TEX9: variants seen among roughly 807,000 people sequenced by gnomAD.
TEX9 encodes testis expressed 9.
TEX9 carries 74 observed loss-of-function variants against 59.6 expected under a neutral mutation model. The observed-to-expected ratio is 1.24, with a 90% CI of 1.03 to 1.51. TEX9 has a LOEUF of 1.51. TEX9 is among the 40% of genes most tolerant of loss of function. TEX9 has a pLI of 0.00. For synonymous variants in TEX9, 186 were observed against 152.2 expected (o/e 1.22, Z -1.64); for missense variants, 522 against 447.8 (o/e 1.17, Z -1.49).
rs71456382 is a variant in TEX9, at chr15:56,339,383, CAAAAAAAAAAAAA to C, written c.-106-34039_-106-34027del. ...GGGTGTCAGAGCAAGACTCCTTCTC[CAAAAAAAAAAAAA>C]AAAAAAAAAAAAAAAAAACAGGAGA... On this transcript the variant is annotated intron_variant, in intron 1 of 5. Coordinates refer to the TEX9 transcript ENST00000560827. Among the ~76,000 whole-genome samples the C allele has an allele frequency of 5.2e-3, 159 of 30,770 alleles. 4 individuals carry two copies. Among genetic ancestry groups the C allele is most frequent in the African/African-American group, 6.1e-3 (51 of 8,326 alleles). The allele number at this position is 30,770 out of a possible 152,430, so 20.2% of individuals were successfully genotyped here.
At chr15:56,371,555 A>G (rs1267577424) in intron 2 of TEX9, among the ~76,000 whole-genome samples, 1 of 151,730 alleles carries the variant, frequency 6.6e-6, no homozygotes, top group African/African-American at 2.4e-5. Context: ...CTTTCCTCAC[A>G]TCTGCTGATT....
At chr15:56,310,069 T>A (rs1305683961) in intron 1 of TEX9, among the ~76,000 whole-genome samples, 6 of 152,152 alleles carry the variant, frequency 3.9e-5, no homozygotes, top group Non-Finnish European at 8.8e-5. Flanking sequence ...AGCCTTGAGT[T>A]TTCTTAGGCA....
intron 12 of TEX9, chr15:56,429,154 C>G: frequency 1.2e-6 from 2 of 1,602,968 alleles, no homozygotes; most frequent in Non-Finnish European, 1.7e-6. Flanking sequence ...CTGAACTCTT[C>G]ACCAAGCAGA....
chr15:56,359,720 C>G (rs139132095), intron 1 of TEX9, among the ~76,000 whole-genome samples: 9 of 152,166 alleles, frequency 5.9e-5, no homozygotes, highest in African/African-American at 2.2e-4. Context: ...TTTCTTCCTT[C>G]CTTATCTGTA....
At chr15:56,256,430 T>C (rs1383650570) in intron 1 of TEX9, among the ~76,000 whole-genome samples, 1 of 151,950 alleles carries the variant, frequency 6.6e-6, no homozygotes, top group Non-Finnish European at 1.5e-5. Context: ...CAGCCAGGTA[T>C]GCGTGTTTTA....
intron 10 of TEX9, among the ~76,000 whole-genome samples, chr15:56,420,287 A>G (rs1003627675): frequency 6.8e-5 from 10 of 147,314 alleles, no homozygotes; most frequent in African/African-American, 1.0e-4. Context: ...TTTGGGTTCA[A>G]TTTGTTCTTT....
At chr15:56,333,662 A>T (rs1362588092) in intron 1 of TEX9, among the ~76,000 whole-genome samples, 2 of 152,150 alleles carry the variant, frequency 1.3e-5, no homozygotes, top group African/African-American at 4.8e-5. Context: ...ATAGTACTTG[A>T]AGTCCTAGCT....
At chr15:56,285,179 G>C (rs1380224259) in intron 1 of TEX9, among the ~76,000 whole-genome samples, 1 of 151,890 alleles carries the variant, frequency 6.6e-6, no homozygotes, top group Non-Finnish European at 1.5e-5. Flanking sequence ...CGTTAGTGTG[G>C]GAGTGCTAGT....
chr15:56,331,337 G>A (rs576820673), intron 1 of TEX9, among the ~76,000 whole-genome samples: 2 of 152,086 alleles, frequency 1.3e-5, no homozygotes, highest in East Asian at 3.8e-4. Flanking sequence ...TTCATCCAAG[G>A]GCTGCAGAAT....
intron 10 of TEX9, among the ~76,000 whole-genome samples, chr15:56,426,626 T>TATATATACACACACAC (rs1214988827): frequency 6.4e-5 from 3 of 47,174 alleles, no homozygotes; most frequent in African/African-American, 1.6e-4. Context: ...TATATATATA[T>TATATATACACACACAC]ACACACACAC....
chr15:56,429,372 T>C (rs150469977), intron 12 of TEX9: 8,527 of 528,168 alleles, frequency 0.016, 104 homozygotes, highest in Non-Finnish European at 0.02. Context: ...TACATATATA[T>C]TGAATATTCC....
chr15:56,339,383 C>CAAAAAAAAAAAAAAAAAAAAAAAAAA (rs71456382), intron 1 of TEX9, among the ~76,000 whole-genome samples: 3 of 30,768 alleles, frequency 9.8e-5, no homozygotes, highest in African/African-American at 2.4e-4. Flanking sequence ...ACTCCTTCTC[C>CAAAAAAAAAAAAAAAAAAAAAAAAAA]AAAAAAAAAA....
At chr15:56,307,353 T>C (rs1156538319) in intron 1 of TEX9, among the ~76,000 whole-genome samples, 2 of 152,160 alleles carry the variant, frequency 1.3e-5, no homozygotes, top group Non-Finnish European at 2.9e-5. Flanking sequence ...CTGCAGCTCC[T>C]CTCCCTAGCC....
At chr15:56,387,293 A>G (rs910507739) in intron 4 of TEX9, among the ~76,000 whole-genome samples, 4 of 151,996 alleles carry the variant, frequency 2.6e-5, no homozygotes, top group African/African-American at 9.7e-5. Flanking sequence ...ATGGAATGAA[A>G]GGTACAGAAA....
At chr15:56,358,801 C>G (rs2046736470) in intron 1 of TEX9, among the ~76,000 whole-genome samples, 1 of 151,966 alleles carries the variant, frequency 6.6e-6, no homozygotes, top group African/African-American at 2.4e-5. Context: ...AGTGGTGTCC[C>G]CCATGCTGTT....
At chr15:56,279,273 G>T (rs1333062692) in intron 1 of TEX9, among the ~76,000 whole-genome samples, 1 of 152,172 alleles carries the variant, frequency 6.6e-6, no homozygotes, top group Non-Finnish European at 1.5e-5. Context: ...CTAGGGAAGT[G>T]AATGACATAT....
chr15:56,331,264 A>T (rs1253546333), intron 1 of TEX9, among the ~76,000 whole-genome samples: 1 of 152,210 alleles, frequency 6.6e-6, no homozygotes, highest in Non-Finnish European at 1.5e-5. Flanking sequence ...AAAATCAGCA[A>T]GGAAACATCA....
intron 1 of TEX9, chr15:56,323,645 G>T: frequency 6.4e-6 from 1 of 157,468 alleles, no homozygotes; most frequent in South Asian, 1.8e-4. Context: ...GAAAAAGGAG[G>T]AAGAGGAACA....
intron 1 of TEX9, among the ~76,000 whole-genome samples, chr15:56,301,849 A>T (rs571941486): frequency 6.6e-6 from 1 of 152,228 alleles, no homozygotes; most frequent in Non-Finnish European, 1.5e-5. Flanking sequence ...AAATCATTAA[A>T]GGTAGAAAAC....
Sources: gnomAD v4.1 joint callset for allele counts (sites outside exome capture counted in the v4.1 genomes callset) on GRCh38, gnomAD v4.1.1 for gene constraint, MANE v1.5 for transcripts, NCBI Gene and HGNC (gene_info 2026-07-23, HGNC 2026-07-21) for gene names.